The following CWC22 variants were observed in gnomAD, a reference collection of about 807,000 sequenced individuals.
The protein encoded by CWC22 is CWC22 spliceosome associated protein.
Under a neutral mutation model 117.2 loss-of-function variants are expected in CWC22, and 53 were observed. That is an observed-to-expected ratio of 0.45 (90% CI 0.36 to 0.57). CWC22 has a LOEUF of 0.57. CWC22 is among the 20% of genes least tolerant of loss of function. The pLI is 0.00. For missense variants in CWC22, 980 were observed against 1,068.8 expected (o/e 0.92, Z 1.16); for synonymous variants, 360 against 355.6 (o/e 1.01, Z -0.14).
At chr2:179,995,781 T>C (rs1189839765) in intron 1 of CWC22, among the ~76,000 whole-genome samples, 1 of 152,192 alleles carries the variant, frequency 6.6e-6, no homozygotes, top group Non-Finnish European at 1.5e-5. Context: ...CCATTTAATA[T>C]AGCTTTAGTC....
At chr2:179,970,440 C>T (rs908806403) in intron 11 of CWC22, 61 bp downstream of exon 11, 15 of 1,374,548 alleles carry the variant, frequency 1.1e-5, no homozygotes, top group African/African-American at 1.0e-4. Context: ...ATCAGTATTA[C>T]GTAACTACTT....
At chr2:179,971,468 A>G (rs1181693065) in intron 8 of CWC22, among the ~76,000 whole-genome samples, 1 of 152,190 alleles carries the variant, frequency 6.6e-6, no homozygotes, top group Non-Finnish European at 1.5e-5. Flanking sequence ...AATATGATTT[A>G]TAATACCCTT....
Position 179,965,868 on chromosome 2 carries a change from A to C in CWC22, c.1315+10T>G. 2 of 1,414,872 alleles carry C rather than the reference A, an allele frequency of 1.4e-6. No individual in the cohort carries two copies. The highest frequency in any genetic ancestry group is 2.0e-6 in the Non-Finnish European group (2 of 1,001,464). 87.6% of individuals were successfully genotyped at this position (1,414,872 alleles called of 1,614,324 possible). A position where few individuals can be genotyped will look rare whatever the true frequency, so the allele number is the denominator to read the frequency against. On this transcript the variant is annotated intron_variant, in intron 12 of 19. Transcript: ENST00000410053. The stretch of plus-strand genomic sequence containing the variant: ...TCTTATAATATTATTTGAATATGCT[A>C]CATGTTTACCTTCTTCATCTTCTTC...
At chr2:179,953,378 C>T (rs1479421012) in intron 16 of CWC22, among the ~76,000 whole-genome samples, 5 of 152,084 alleles carry the variant, frequency 3.3e-5, no homozygotes, top group African/African-American at 1.2e-4. Context: ...TTCTTTCCTC[C>T]TGGATGTAAT....
In CWC22 at chr2:179,944,938, T is replaced by A. The variant is rs966012626; in HGVS notation, c.*191A>T. The A allele has an allele frequency of 2.1e-5, 9 of 426,686 alleles. No homozygotes were observed. Among genetic ancestry groups the A allele is most frequent in the Non-Finnish European group, 3.3e-5 (8 of 245,012 alleles). The allele number at this position is 426,686 out of a possible 1,614,324, so 26.4% of individuals were successfully genotyped here. A position where few individuals can be genotyped will look rare whatever the true frequency, so the allele number is the denominator to read the frequency against. On this transcript the variant is annotated 3_prime_UTR_variant, in exon 20 of 20. Transcript: ENST00000410053. The stretch of plus-strand genomic sequence containing the variant: ...GACTTACATCCCTTTCTGGTGAAAG[T>A]TTTCAAATAATTTTATGGGTAGGGC...
chr2:179,992,856 C>T (rs533609628), intron 2 of CWC22, among the ~76,000 whole-genome samples: 18 of 152,252 alleles, frequency 1.2e-4, no homozygotes, highest in African/African-American at 4.3e-4. Flanking sequence ...ATAAAGAGAC[C>T]ATCCATCTAT....
At chr2:179,996,502 T>C (rs990193516) in intron 1 of CWC22, among the ~76,000 whole-genome samples, 2 of 152,188 alleles carry the variant, frequency 1.3e-5, no homozygotes, top group Non-Finnish European at 2.9e-5. Context: ...AAAAACAACA[T>C]ATTATATACA....
intron 5 of CWC22, 127 bp downstream of exon 5, chr2:179,981,625 T>G (rs1254901679): frequency 2.8e-6 from 2 of 702,386 alleles, no homozygotes; most frequent in Admixed American, 5.6e-5. Context: ...TAAAGAGGTC[T>G]CTAATTTGAG....
intron 3 of CWC22, among the ~76,000 whole-genome samples, chr2:179,987,940 T>C (rs1178371173): frequency 1.3e-5 from 2 of 152,098 alleles, no homozygotes; most frequent in Non-Finnish European, 2.9e-5. Flanking sequence ...TTTCCACAGA[T>C]GTTAGGGGGT....
At chr2:179,993,293 AT>A in intron 2 of CWC22, 21 bp downstream of exon 2, 1 of 1,529,078 alleles carries the variant, frequency 6.5e-7, no homozygotes, top group Non-Finnish European at 8.9e-7. Flanking sequence ...TACATCCTCC[AT>A]TTTAAGTTTC....
intron 2 of CWC22, among the ~76,000 whole-genome samples, chr2:179,991,101 T>C (rs889760573): frequency 2.0e-5 from 3 of 152,222 alleles, no homozygotes; most frequent in Non-Finnish European, 4.4e-5. Context: ...AAATTGTTCA[T>C]GAAGCAAAAC....
At chr2:179,967,233 C>A (rs544504380) in intron 11 of CWC22, among the ~76,000 whole-genome samples, 25 of 152,214 alleles carry the variant, frequency 1.6e-4, no homozygotes, top group Admixed American at 1.4e-3. Flanking sequence ...TTTTTTTATG[C>A]CAGCTCTAGA....
chr2:179,947,353 C>T (rs1188496096), intron 19 of CWC22, among the ~76,000 whole-genome samples: 6 of 152,196 alleles, frequency 3.9e-5, no homozygotes, highest in South Asian at 2.1e-4. Flanking sequence ...CCCCTTGATC[C>T]TACTGTACAC....
chr2:179,948,982 G>A (rs1559283333), intron 19 of CWC22, among the ~76,000 whole-genome samples: 1 of 152,180 alleles, frequency 6.6e-6, no homozygotes, highest in South Asian at 2.1e-4. Flanking sequence ...AGAGTATATG[G>A]AAATTCTCTG....
In CWC22 at chr2:179,954,983, C is replaced by T. The variant is rs752954929; in HGVS notation, c.1510G>A (p.Glu504Lys). 5 of 1,600,646 alleles carry T rather than the reference C, an allele frequency of 3.1e-6. No individual in the cohort carries two copies. Among genetic ancestry groups the T allele is most frequent in the African/African-American group, 1.3e-5 (1 of 74,682 alleles). ...LDCCAQQRTYEKFFGLLAGRF... is the reference protein window; with the variant it reads ...LDCCAQQRTYKKFFGLLAGRF... ...CCAGCTAATAAGCCAAAAAATTTTTCGTATGTCCTCTGTTGGGCACAGCAA... is the reference window on the plus strand; with the variant it reads ...CCAGCTAATAAGCCAAAAAATTTTTTGTATGTCCTCTGTTGGGCACAGCAA... The change falls in exon 15 of 20, where the codon GAA becomes AAA. Residue 504 changes from glutamate (E) to lysine (K), a missense_variant. Around this residue, in one of 3 missense-constraint regions of CWC22, gnomAD observed 559 missense variants for 602.3 expected, o/e 0.93. Coordinates refer to ENST00000410053, the MANE Select transcript of CWC22 (RefSeq NM_020943.3).
At position 179,964,626 on chromosome 2, in the gene CWC22, G is replaced by C; in HGVS notation, c.1318C>G (p.Gln440Glu). ...EEEGEEDEEGQKVTIHDKTEI... is the reference protein window; with the variant it reads ...EEEGEEDEEGEKVTIHDKTEI... ...GTTTTGTCATGAATAGTTACTTTTT[G>C]TCCTGAAAGAAACATAACAAAATTA... Residue 440 changes from glutamine (Q) to glutamate (E), a missense_variant and splice_region_variant, in exon 13 of 20, where the codon CAA becomes GAA. Physicochemically the swap from Gln to Glu is conservative, Grantham distance 29. This residue lies in a region of CWC22 where 559 missense variants were observed against 602.3 expected (regional missense o/e 0.93). Coordinates refer to ENST00000410053, the MANE Select transcript of CWC22 (RefSeq NM_020943.3). 1 of 1,520,104 alleles carries C rather than the reference G, an allele frequency of 6.6e-7. No homozygotes were observed. The allele number at this position is 1,520,104 out of a possible 1,614,324, so 94.2% of individuals were successfully genotyped here. A position where few individuals can be genotyped will look rare whatever the true frequency, so the allele number is the denominator to read the frequency against.
At position 179,978,184 on chromosome 2, in the gene CWC22, A is replaced by C. The variant is rs769191142; in HGVS notation, c.581+6T>G. On this transcript the variant is annotated splice_donor_region_variant and intron_variant, in intron 6 of 19. Coordinates refer to ENST00000410053, the MANE Select transcript of CWC22 (RefSeq NM_020943.3). ...AAATACTACAAATAAAATAGCCAAT[A>C]CTTACCTTCCTCTAACTATATTTTC... The C allele has an allele frequency of 2.0e-6, 3 of 1,524,720 alleles. No homozygotes were observed. 94.4% of individuals were successfully genotyped at this position (1,524,720 alleles called of 1,614,324 possible).
chr2:179,983,361 G>A (rs1485195612), intron 4 of CWC22, among the ~76,000 whole-genome samples: 1 of 152,090 alleles, frequency 6.6e-6, no homozygotes, highest in Non-Finnish European at 1.5e-5. Context: ...AGAACATGTG[G>A]TATTTGGTTT....
intron 1 of CWC22, among the ~76,000 whole-genome samples, chr2:180,005,948 C>T (rs1246137348): frequency 6.6e-6 from 1 of 152,200 alleles, no homozygotes. Flanking sequence ...AGTGGCTTTC[C>T]TCCACCTACT....
Sources: allele counts gnomAD v4.1 joint callset (sites outside exome capture counted in the v4.1 genomes callset), GRCh38; gene constraint gnomAD v4.1.1; regional missense constraint gnomAD v4.1.1; transcripts MANE v1.5; gene names NCBI Gene and HGNC (gene_info 2026-07-23, HGNC 2026-07-21).